The following SLC30A7 variants were observed in gnomAD, a reference collection of about 807,000 sequenced individuals.
SLC30A7 encodes solute carrier family 30 member 7.
In SLC30A7, 35 loss-of-function variants were observed where a neutral mutation model predicts 46.0. The observed-to-expected ratio is 0.76, with a 90% CI of 0.58 to 1.01. The LOEUF is 1.01. Among genes scored for constraint, SLC30A7 ranks in the 50% least tolerant of loss-of-function variants. The probability of loss-of-function intolerance (pLI) is 0.00; values close to 1 mark genes in which losing one functional copy is unlikely to be tolerated. For missense variants in SLC30A7, 464 were observed against 451.1 expected (o/e 1.03, Z -0.26); for synonymous variants, 147 against 157.8 (o/e 0.93, Z 0.51).
intron 8 of SLC30A7, among the ~76,000 whole-genome samples, chr1:100,959,748 C>G (rs1280428596): frequency 1.3e-5 from 2 of 152,174 alleles, no homozygotes; most frequent in African/African-American, 4.8e-5. Flanking sequence ...TTGTCATACT[C>G]TGTTCATTAG....
At chr1:100,938,758 T>A (rs557332824) in intron 8 of SLC30A7, among the ~76,000 whole-genome samples, 32 of 152,316 alleles carry the variant, frequency 2.1e-4, no homozygotes, top group Admixed American at 3.9e-4. Flanking sequence ...CAAGAGAGCA[T>A]CTGATCTCAG....
At chr1:100,916,119 A>AT (rs1652526625) in intron 6 of SLC30A7, among the ~76,000 whole-genome samples, 1 of 151,122 alleles carries the variant, frequency 6.6e-6, no homozygotes, top group Admixed American at 6.6e-5. Flanking sequence ...TTACTTTTTT[A>AT]TTTTTTTAAT....
chr1:100,974,472 G>C (rs1177495552), intron 10 of SLC30A7, among the ~76,000 whole-genome samples: 1 of 152,168 alleles, frequency 6.6e-6, no homozygotes, highest in Non-Finnish European at 1.5e-5. Flanking sequence ...GATTTAGACA[G>C]GGTTGATGTA....
intron 9 of SLC30A7, among the ~76,000 whole-genome samples, chr1:100,962,267 CCT>C (rs1465677704): frequency 6.6e-6 from 1 of 152,056 alleles, no homozygotes. Context: ...ACAGACAGTG[CCT>C]CTGTTTCATG....
At chr1:100,897,244 A>G (rs902975360) in intron 2 of SLC30A7, among the ~76,000 whole-genome samples, 2 of 152,168 alleles carry the variant, frequency 1.3e-5, no homozygotes, top group Non-Finnish European at 2.9e-5. Flanking sequence ...TTCTAGAAAC[A>G]ACATTTCTTG....
downstream of SLC30A7, among the ~76,000 whole-genome samples, chr1:100,982,889 C>G (rs1657030143): frequency 6.6e-6 from 1 of 152,206 alleles, no homozygotes; most frequent in African/African-American, 2.4e-5. Flanking sequence ...AGCCTCTGGC[C>G]TAATTCTACA....
At chr1:100,987,068 G>T in the SLC30A7 span, among the ~76,000 whole-genome samples, 1 of 152,168 alleles carries the variant, frequency 6.6e-6, no homozygotes, top group African/African-American at 2.4e-5. Context: ...ATACAGAACA[G>T]AATTGCCAGA....
downstream of SLC30A7, among the ~76,000 whole-genome samples, chr1:100,986,222 C>T (rs1018231612): frequency 2.0e-5 from 3 of 152,068 alleles, no homozygotes; most frequent in African/African-American, 7.2e-5. Context: ...CCAGCCTGAC[C>T]AACACGGAGA....
At chr1:100,905,473 T>C (rs1651594827) in intron 2 of SLC30A7, among the ~76,000 whole-genome samples, 2 of 152,102 alleles carry the variant, frequency 1.3e-5, no homozygotes, top group African/African-American at 4.8e-5. Context: ...CATTTTCTCT[T>C]TAAATACTTT....
chr1:100,921,979 A>G (rs559174689), intron 8 of SLC30A7, 138 bp downstream of exon 8: 4 of 753,840 alleles, frequency 5.3e-6, no homozygotes, highest in African/African-American at 2.0e-5. Context: ...TTTGAGACAG[A>G]GTCTCGCTCT....
rs1181700210 is a variant in SLC30A7 at position 100,970,254 on chromosome 1, A to C, written c.1083+4336A>C. Among the ~76,000 whole-genome samples the C allele has an allele frequency of 2.6e-5, 4 of 152,252 alleles. No individual in the cohort carries two copies. The East Asian group carries it at 7.7e-4, about 29-fold the overall frequency. On this transcript the variant is annotated intron_variant, in intron 10 of 10. Transcript: ENST00000357650. ...AGTCTTAAATTACAATGTAAGTGATAGTTTTTGGTTAAAAATTGTTTTGTT... is the reference window on the plus strand; with the variant it reads ...AGTCTTAAATTACAATGTAAGTGATCGTTTTTGGTTAAAAATTGTTTTGTT...
chr1:100,953,021 T>C (rs776124380), intron 8 of SLC30A7, among the ~76,000 whole-genome samples: 3 of 152,030 alleles, frequency 2.0e-5, no homozygotes, highest in Non-Finnish European at 4.4e-5. Flanking sequence ...GGTGTAGATT[T>C]CCCCCTTGCT....
chr1:100,945,577 G>A (rs933048071), intron 8 of SLC30A7, among the ~76,000 whole-genome samples: 19 of 151,988 alleles, frequency 1.3e-4, no homozygotes, highest in African/African-American at 4.6e-4. Flanking sequence ...TTTCAGGTTT[G>A]TCAAAGATCA....
chr1:100,933,684 G>A (rs1397823515), intron 8 of SLC30A7, among the ~76,000 whole-genome samples: 1 of 152,020 alleles, frequency 6.6e-6, no homozygotes, highest in Non-Finnish European at 1.5e-5. Flanking sequence ...TTTTGTCCTT[G>A]CGATAGTTTG....
In SLC30A7 at chr1:100,932,679, A is replaced by C. The variant is rs369721691; in HGVS notation, c.842+10838A>C. ...TGTGTAGGTTCATTTAAGGAAACTT[A>C]CTGGGAGTGTGTTAGAGTGTTCTAG... is the stretch of plus-strand genomic sequence containing the variant. On this transcript the variant is annotated intron_variant, in intron 8 of 10. Coordinates refer to ENST00000357650, the MANE Select transcript of SLC30A7 (RefSeq NM_133496.5). 1.7e-4 allele frequency among the ~76,000 whole-genome samples: 26 copies of C among 152,304 alleles called. No individual in the cohort carries two copies. The East Asian group carries it at 5.0e-3, about 29-fold the overall frequency.
chr1:100,974,718 A>C, intron 10 of SLC30A7, 92 bp from the exon 11 acceptor site: 1 of 883,756 alleles, frequency 1.1e-6, no homozygotes, highest in South Asian at 2.8e-5. Flanking sequence ...TAAAAAAGTG[A>C]GATTTGTAAA....
At chr1:100,936,238 G>A (rs1183896305) in intron 8 of SLC30A7, among the ~76,000 whole-genome samples, 4 of 152,142 alleles carry the variant, frequency 2.6e-5, no homozygotes, top group Non-Finnish European at 2.9e-5. Flanking sequence ...TAATTTACTA[G>A]ACCAATTGTC....
chr1:100,943,382 C>T (rs1397153342), intron 8 of SLC30A7, among the ~76,000 whole-genome samples: 1 of 152,214 alleles, frequency 6.6e-6, no homozygotes, highest in East Asian at 1.9e-4. Context: ...AAGGATAGAG[C>T]TTCCATGTCA....
In SLC30A7 at chr1:100,974,787, C is replaced by CA. The variant is rs1553243589; in HGVS notation, c.1084-23_1084-22insA. Reference sequence around the variant, plus strand: ...GTTATTAGCTTGTTAGATTTTCTAACTTTTTTTTTTCTTACTTTTCAGGCT... The same window carrying CA: ...GTTATTAGCTTGTTAGATTTTCTAACATTTTTTTTTTCTTACTTTTCAGGCT... On this transcript the variant is annotated intron_variant, in intron 10 of 10. Coordinates refer to ENST00000357650, the MANE Select transcript of SLC30A7 (RefSeq NM_133496.5). 3 of 1,455,908 alleles carry CA rather than the reference C, an allele frequency of 2.1e-6. No homozygotes were observed. The South Asian group carries it at 3.9e-5, about 19-fold the overall frequency. 90.2% of individuals were successfully genotyped at this position (1,455,908 alleles called of 1,614,324 possible).
Sources: allele counts gnomAD v4.1 joint callset (sites outside exome capture counted in the v4.1 genomes callset), GRCh38; gene constraint gnomAD v4.1.1; transcripts MANE v1.5; gene names NCBI Gene and HGNC (gene_info 2026-07-23, HGNC 2026-07-21).